Variants in FBLIM1 observed in about 807,000 individuals in gnomAD.
The protein encoded by FBLIM1 is filamin-binding LIM protein 1.
In FBLIM1, 29 loss-of-function variants were observed where a neutral mutation model predicts 37.4. The observed-to-expected ratio is 0.77, with a 90% confidence interval of 0.58 to 1.06. FBLIM1 has a LOEUF of 1.06. FBLIM1 is among the 50% of genes least tolerant of loss of function. The pLI, the probability that FBLIM1 is intolerant of heterozygous loss-of-function variation, is 0.00. For synonymous variants in FBLIM1, 193 were observed against 199.0 expected (o/e 0.97, Z 0.25); for missense variants, 449 against 505.6 (o/e 0.89, Z 1.07).
At chr1:15,775,545 A>G (rs1328410991) in intron 7 of FBLIM1, among the ~76,000 whole-genome samples, 2 of 151,888 alleles carry the variant, frequency 1.3e-5, no homozygotes, top group African/African-American at 2.4e-5. Context: ...AAAAAAAAAA[A>G]AAAAGAAAAG....
intron 8 of FBLIM1, among the ~76,000 whole-genome samples, chr1:15,780,504 A>G (rs767991723): frequency 2.0e-5 from 3 of 152,144 alleles, no homozygotes; most frequent in Non-Finnish European, 4.4e-5. Context: ...CAAAATTCTT[A>G]ATTTTTGAAC....
chr1:15,776,996 C>T, intron 7 of FBLIM1, 174 bp from the exon 8 acceptor site: 1 of 601,020 alleles, frequency 1.7e-6, no homozygotes. Flanking sequence ...GGTCTCATTA[C>T]ACAGGTCTCT....
At chr1:15,770,112 A>G (rs1307189351) in intron 5 of FBLIM1, among the ~76,000 whole-genome samples, 1 of 150,932 alleles carries the variant, frequency 6.6e-6, no homozygotes, top group African/African-American at 2.4e-5. Context: ...ATGCCCGGCT[A>G]ATTTTTGTAT....
chr1:15,775,598 G>A (rs1413148370), intron 7 of FBLIM1, among the ~76,000 whole-genome samples: 2 of 151,922 alleles, frequency 1.3e-5, no homozygotes, highest in Middle Eastern at 3.2e-3. Context: ...AGATGCCTAG[G>A]ATGAGGTCTA....
At chr1:15,761,167 C>T (rs1291406289) in intron 1 of FBLIM1, among the ~76,000 whole-genome samples, 1 of 152,204 alleles carries the variant, frequency 6.6e-6, no homozygotes, top group East Asian at 1.9e-4. Flanking sequence ...CCCACAGCAG[C>T]CCCTGGGGAC....
At chr1:15,776,120 T>A (rs761665536) in intron 7 of FBLIM1, among the ~76,000 whole-genome samples, 2 of 151,686 alleles carry the variant, frequency 1.3e-5, no homozygotes, top group Admixed American at 6.6e-5. Flanking sequence ...AAAACATATA[T>A]AAAAAACACA....
chr1:15,759,291 C>A (rs937520447), intron 1 of FBLIM1, among the ~76,000 whole-genome samples: 3 of 152,210 alleles, frequency 2.0e-5, no homozygotes, highest in Non-Finnish European at 2.9e-5. Flanking sequence ...GCTCCAGGCC[C>A]CTTTTCCTAG....
chr1:15,776,915 G>T, intron 7 of FBLIM1: 9 of 303,642 alleles, frequency 3.0e-5, no homozygotes, highest in East Asian at 1.1e-4. Context: ...AAAAAAGACA[G>T]ATGAGATGGG....
chr1:15,780,942 C>T lies in FBLIM1; in HGVS notation c.1009-3606C>T, dbSNP rs779985647. Among the ~76,000 whole-genome samples, 9 of 152,120 alleles carry T rather than the reference C, an allele frequency of 5.9e-5. 1 individual carries two copies. The highest frequency in any genetic ancestry group is 4.1e-4 in the South Asian group (2 of 4,832). On this transcript the variant is annotated intron_variant, in intron 8 of 8. Transcript: ENST00000375766. ...GCTGTTATCCCCAACATCATCCTCA[C>T]GAGTTCCAGCAGTGACTGGCACCTT... is the stretch of plus-strand genomic sequence containing the variant.
Position 15,770,389 on chromosome 1 carries a change from C to T in FBLIM1, c.542-20C>T. 1 of 1,607,558 alleles carries T rather than the reference C, an allele frequency of 6.2e-7. No homozygotes were observed. The highest frequency in any genetic ancestry group is 8.5e-7 in the Non-Finnish European group (1 of 1,176,726). On this transcript the variant is annotated intron_variant, in intron 5 of 8. Coordinates refer to ENST00000375766, the MANE Select transcript of FBLIM1 (RefSeq NM_017556.4). ...CCTCACAGGCTGGGCTGGTGATGGC[C>T]TGTGTCTCCCCTACCCCAGACATCT...
In FBLIM1 at chr1:15,784,751, T is replaced by C; in HGVS notation, c.*90T>C. On this transcript the variant is annotated 3_prime_UTR_variant, in exon 9 of 9. Transcript: ENST00000375766. ...CCTTCCTAACCTGCTCTTGCACACT[T>C]TCCTTCTGAGCCTCCATGGAGACCA... The C allele has an allele frequency of 8.6e-7, 1 of 1,160,478 alleles. No individual in the cohort carries two copies. Among genetic ancestry groups the C allele is most frequent in the Non-Finnish European group, 1.3e-6 (1 of 793,200 alleles). 71.9% of individuals were successfully genotyped at this position (1,160,478 alleles called of 1,614,324 possible).
chr1:15,782,771 A>G (rs2069674785), intron 8 of FBLIM1, among the ~76,000 whole-genome samples: 1 of 147,484 alleles, frequency 6.8e-6, no homozygotes, highest in Non-Finnish European at 1.5e-5. Context: ...CTGCATAAGG[A>G]GGGCCACCTG....
chr1:15,779,699 A>G (rs2069587083), intron 8 of FBLIM1, among the ~76,000 whole-genome samples: 1 of 152,002 alleles, frequency 6.6e-6, no homozygotes, highest in Non-Finnish European at 1.5e-5. Flanking sequence ...GTGCCAGGCT[A>G]GAGAGTCTGG....
intron 1 of FBLIM1, among the ~76,000 whole-genome samples, chr1:15,763,352 C>T (rs1215623888): frequency 6.6e-6 from 1 of 151,754 alleles, no homozygotes; most frequent in Non-Finnish European, 1.5e-5. Flanking sequence ...CAGAGTCTCA[C>T]CGGGGTGCGA....
chr1:15,783,703 C>A (rs954709109), intron 8 of FBLIM1, among the ~76,000 whole-genome samples: 1 of 151,640 alleles, frequency 6.6e-6, no homozygotes, highest in African/African-American at 2.4e-5. Context: ...CTGCCTCAGC[C>A]TCCCACATAG....
chr1:15,763,308 G>A (rs188135540), intron 1 of FBLIM1, among the ~76,000 whole-genome samples: 4 of 151,916 alleles, frequency 2.6e-5, no homozygotes, highest in African/African-American at 9.6e-5. Flanking sequence ...GACCTCAGGT[G>A]ATCCACCTGC....
intron 8 of FBLIM1, among the ~76,000 whole-genome samples, chr1:15,777,935 G>A (rs551212864): frequency 1.3e-5 from 2 of 152,252 alleles, no homozygotes; most frequent in South Asian, 4.1e-4. Context: ...CCTGTGGGCT[G>A]GCCTTCTCTG....
chr1:15,760,658 A>C (rs1013692613), intron 1 of FBLIM1, among the ~76,000 whole-genome samples: 3 of 151,182 alleles, frequency 2.0e-5, no homozygotes, highest in Non-Finnish European at 4.4e-5. Context: ...CCTGAGCTGC[A>C]CATTCTCTGC....
Position 15,766,618 on chromosome 1 carries a change from G to A in FBLIM1, c.251-758G>A, listed in dbSNP as rs577751847. Among the ~76,000 whole-genome samples, 185 of 150,042 alleles carry A rather than the reference G, an allele frequency of 1.2e-3. 1 individual carries two copies. Among genetic ancestry groups the A allele is most frequent in the African/African-American group, 2.5e-3 (103 of 40,728 alleles). On this transcript the variant is annotated intron_variant, in intron 3 of 8. Coordinates refer to ENST00000375766, the MANE Select transcript of FBLIM1 (RefSeq NM_017556.4). ...AGCCTAATTTTTTTTTTTTTAGATG[G>A]AGTTTTGCTTTTGTTGCCCGGGCTG...
Sources: gnomAD v4.1 joint callset for allele counts (sites outside exome capture counted in the v4.1 genomes callset) on GRCh38, gnomAD v4.1.1 for gene constraint, MANE v1.5 for transcripts, NCBI Gene and HGNC (gene_info 2026-07-23, HGNC 2026-07-21) for gene names.